Variants in LTBP1 observed in about 807,000 individuals in gnomAD.
LTBP1 encodes the protein latent transforming growth factor beta binding protein 1.
A neutral mutation model predicts 207.6 loss-of-function variants in LTBP1; 129 were observed. The observed-to-expected ratio is 0.62, with a 90% confidence interval of 0.54 to 0.72. The LOEUF is 0.72. LTBP1 is among the 30% of genes least tolerant of loss of function. The pLI is 0.00. For missense variants in LTBP1, 2,281 were observed against 2,217.2 expected (o/e 1.03, Z -0.58); for synonymous variants, 963 against 833.7 (o/e 1.16, Z -2.67).
intron 5 of LTBP1, among the ~76,000 whole-genome samples, chr2:33,136,655 A>G (rs890024376): frequency 3.3e-5 from 5 of 152,178 alleles, no homozygotes; most frequent in African/African-American, 1.2e-4. Context: ...AAATCTTTAC[A>G]GTAGCAATGA....
intron 31 of LTBP1, among the ~76,000 whole-genome samples, chr2:33,382,347 G>T (rs913692007): frequency 6.6e-6 from 1 of 151,836 alleles, no homozygotes; most frequent in Admixed American, 6.6e-5. Context: ...CACCCGCCTC[G>T]GGCTCCCAAA....
At position 33,083,707 on chromosome 2, in the gene LTBP1, C is replaced by T. The variant is rs1414716153; in HGVS notation, c.864-26875C>T. On this transcript the variant is annotated intron_variant, in intron 3 of 33. Coordinates refer to ENST00000404816, the MANE Select transcript of LTBP1 (RefSeq NM_206943.4). ...GAACTCCCAACAGGAAGCCATATTACCAAACTCTTACTTATATGTTACCTT... is the reference window on the plus strand; with the variant it reads ...GAACTCCCAACAGGAAGCCATATTATCAAACTCTTACTTATATGTTACCTT... Among the ~76,000 whole-genome samples the T allele has an allele frequency of 2.0e-5, 3 of 152,176 alleles. No individual in the cohort carries two copies. In the East Asian group the frequency reaches 5.8e-4, roughly 29 times the overall value.
chr2:33,175,851 T>G (rs1248339394), intron 5 of LTBP1, among the ~76,000 whole-genome samples: 1 of 148,002 alleles, frequency 6.8e-6, no homozygotes. Flanking sequence ...TCATGTCCTT[T>G]GTAGGGACAT....
chr2:33,317,018 G>T (rs1287688103), intron 24 of LTBP1, among the ~76,000 whole-genome samples: 2 of 152,118 alleles, frequency 1.3e-5, no homozygotes, highest in African/African-American at 4.8e-5. Context: ...CAAAGCTGTT[G>T]TTCCAAAAGA....
chr2:33,315,032 A>G, intron 23 of LTBP1, 112 bp from the exon 24 acceptor site: 1 of 828,630 alleles, frequency 1.2e-6, no homozygotes, highest in Non-Finnish European at 1.8e-6. Flanking sequence ...TAGTTGTTCC[A>G]CTAAATAAAT....
At chr2:33,021,231 G>T (rs1410765736) in intron 3 of LTBP1, 25 bp downstream of exon 3, 25 of 1,553,200 alleles carry the variant, frequency 1.6e-5, no homozygotes, top group Non-Finnish European at 2.0e-5. Flanking sequence ...CTTTCATTTA[G>T]CTAAGGATCA....
chr2:33,199,010 T>C (rs2088892617), intron 7 of LTBP1, among the ~76,000 whole-genome samples: 1 of 152,178 alleles, frequency 6.6e-6, no homozygotes, highest in South Asian at 2.1e-4. Flanking sequence ...GTTTTGGATC[T>C]TTCCTGCTTT....
At chr2:33,030,370 A>G (rs3769554) in intron 3 of LTBP1, among the ~76,000 whole-genome samples, 12,735 of 152,098 alleles carry the variant, frequency 0.084, 997 homozygotes, top group East Asian at 0.3. Flanking sequence ...TGCCCCATTT[A>G]TGAAGCTCTT....
At chr2:33,217,264 A>G (rs921915338) in intron 7 of LTBP1, among the ~76,000 whole-genome samples, 1 of 152,256 alleles carries the variant, frequency 6.6e-6, no homozygotes, top group African/African-American at 2.4e-5. Context: ...TTATTAAGAA[A>G]AAAAGGCATT....
chr2:33,157,012 A>G (rs986193971), intron 5 of LTBP1, among the ~76,000 whole-genome samples: 3 of 152,224 alleles, frequency 2.0e-5, no homozygotes, highest in Non-Finnish European at 4.4e-5. Flanking sequence ...GACAGATTTT[A>G]CACACTTGGC....
At chr2:33,361,650 C>T (rs552709169) in intron 28 of LTBP1, 135 bp downstream of exon 28, 21 of 554,700 alleles carry the variant, frequency 3.8e-5, no homozygotes, top group Non-Finnish European at 6.5e-5. Context: ...TTAATTCTAC[C>T]ATTAAAAGAA....
chr2:33,009,455 A>G (rs566201908), intron 2 of LTBP1, among the ~76,000 whole-genome samples: 3 of 152,350 alleles, frequency 2.0e-5, no homozygotes, highest in Middle Eastern at 3.4e-3. Context: ...TGTGTGACGT[A>G]ATCCAGTGGA....
At chr2:33,319,559 C>T (rs1247178871) in intron 24 of LTBP1, among the ~76,000 whole-genome samples, 1 of 152,114 alleles carries the variant, frequency 6.6e-6, no homozygotes, top group Non-Finnish European at 1.5e-5. Context: ...TGGGGAAAAA[C>T]CTCCTGATCT....
At chr2:33,117,736 G>A (rs1052928142) in intron 4 of LTBP1, among the ~76,000 whole-genome samples, 5 of 152,186 alleles carry the variant, frequency 3.3e-5, no homozygotes, top group African/African-American at 7.2e-5. Context: ...CCCATTATGG[G>A]ATGGATGCTG....
At chr2:32,986,268 C>G (rs548925299) in intron 2 of LTBP1, among the ~76,000 whole-genome samples, 1 of 152,160 alleles carries the variant, frequency 6.6e-6, no homozygotes, top group South Asian at 2.1e-4. Flanking sequence ...GATGGATGGA[C>G]TAGAGGTGAA....
chr2:32,982,328 T>C (rs1007050511), intron 2 of LTBP1, among the ~76,000 whole-genome samples: 6 of 152,302 alleles, frequency 3.9e-5, no homozygotes, highest in African/African-American at 1.4e-4. Flanking sequence ...AAGAAACTTC[T>C]AAGTGGCAAA....
intron 4 of LTBP1, among the ~76,000 whole-genome samples, chr2:33,115,222 A>T (rs1409453892): frequency 6.6e-6 from 1 of 152,190 alleles, no homozygotes; most frequent in East Asian, 1.9e-4. Context: ...AAACAAGCCA[A>T]GTGAAAGATT....
chr2:33,022,265 C>CTTT (rs3047211), intron 3 of LTBP1, among the ~76,000 whole-genome samples: 11,709 of 124,928 alleles, frequency 0.094, 868 homozygotes, highest in Non-Finnish European at 0.14. Flanking sequence ...CCTCAATCCT[C>CTTT]TTTTTTTTTT....
At chr2:33,089,000 A>G (rs540854030) in intron 3 of LTBP1, among the ~76,000 whole-genome samples, 5 of 151,906 alleles carry the variant, frequency 3.3e-5, no homozygotes, top group Admixed American at 6.5e-5. Context: ...TACTAAAAAT[A>G]CAAAAATTAG....
Sources: gnomAD v4.1 joint callset for allele counts (sites outside exome capture counted in the v4.1 genomes callset) on GRCh38, gnomAD v4.1.1 for gene constraint, MANE v1.5 for transcripts, NCBI Gene and HGNC (gene_info 2026-07-23, HGNC 2026-07-21) for gene names.